RPL14: variants seen among roughly 807,000 people sequenced by gnomAD.
The protein encoded by RPL14 is ribosomal protein L14.
Under a neutral mutation model 25.3 loss-of-function variants are expected in RPL14, and 4 were observed. The observed-to-expected ratio is 0.16, with a 90% CI of 0.08 to 0.36. The LOEUF is 0.36. RPL14 is among the 10% of genes least tolerant of loss of function. The pLI is 1.00. For synonymous variants in RPL14, 75 were observed against 89.8 expected (o/e 0.84, Z 0.93); for missense variants, 212 against 261.9 (o/e 0.81, Z 1.31).
intron 1 of RPL14, 184 bp downstream of exon 1, chr3:40,457,658 C>G: frequency 1.5e-6 from 1 of 665,576 alleles, no homozygotes; most frequent in South Asian, 1.9e-5. Context: ...GAGCCTTGTC[C>G]TGCCGTGTGG....
Position 40,464,260 on chromosome 3 carries a change from A to G in RPL14, c.*2028A>G, listed in dbSNP as rs1271428317. Reference sequence around the variant, plus strand: ...CAGGCGTGAGCCACCGCTTCTGGCCAGGAATACATTTTAAATAAATTTGTT... The same window carrying G: ...CAGGCGTGAGCCACCGCTTCTGGCCGGGAATACATTTTAAATAAATTTGTT... On this transcript the variant is annotated 3_prime_UTR_variant, in exon 6 of 6. Coordinates refer to ENST00000396203, the MANE Select transcript of RPL14 (RefSeq NM_001034996.3). The G allele has an allele frequency of 5.6e-6, 2 of 357,436 alleles. No individual in the cohort carries two copies. Among genetic ancestry groups the G allele is most frequent in the African/African-American group, 2.1e-5 (1 of 46,810 alleles). 22.1% of individuals were successfully genotyped at this position (357,436 alleles called of 1,614,324 possible). A position where few individuals can be genotyped will look rare whatever the true frequency, so the allele number is the denominator to read the frequency against.
intron 2 of RPL14, chr3:40,458,239 G>A (rs1696875351): frequency 1.8e-6 from 1 of 566,116 alleles, no homozygotes; most frequent in Non-Finnish European, 3.1e-6. Flanking sequence ...TTTTAAATGA[G>A]TTACTATACG....
intron 3 of RPL14, 115 bp downstream of exon 3, chr3:40,458,851 C>A: frequency 1.3e-6 from 1 of 777,924 alleles, no homozygotes; most frequent in Non-Finnish European, 2.2e-6. Context: ...GAGGGATTTG[C>A]ATCATAGAAG....
At chr3:40,457,798 G>A (rs368959287) in intron 1 of RPL14, 92 bp from the exon 2 acceptor site, 67 of 1,271,096 alleles carry the variant, frequency 5.3e-5, no homozygotes, top group Admixed American at 4.1e-4. Context: ...CTTTTTCGCT[G>A]AATTTAACCA....
chr3:40,462,446 G>C lies in RPL14; in HGVS notation c.*214G>C. The C allele has an allele frequency of 2.2e-6, 1 of 454,048 alleles. No homozygotes were observed. The highest frequency in any genetic ancestry group is 3.5e-5 in the South Asian group (1 of 28,646). The allele number at this position is 454,048 out of a possible 1,614,324, so 28.1% of individuals were successfully genotyped here. A position where few individuals can be genotyped will look rare whatever the true frequency, so the allele number is the denominator to read the frequency against. ...GGCCGGACTGCAGTGGCGCTATCTC[G>C]GCTCACTGTAAGTTCCACCTCCCGG... On this transcript the variant is annotated 3_prime_UTR_variant, in exon 6 of 6. Coordinates refer to ENST00000396203, the MANE Select transcript of RPL14 (RefSeq NM_001034996.3).
intron 2 of RPL14, 140 bp downstream of exon 2, chr3:40,458,131 G>A: frequency 1.4e-6 from 1 of 708,320 alleles, no homozygotes. Flanking sequence ...ACAGGTAATG[G>A]TACGGGTTTT....
rs745818038 is a variant in RPL14, at chr3:40,462,002, C to T, written c.418C>T (p.Pro140Ser). The stretch of plus-strand genomic sequence containing the variant: ...AAAGGCAGCTCTCCTGAAAGCTTCT[C>T]CCAAAAAAGCACCTGGTACTAAGGG... ...LQKAALLKAS[P>S]KKAPGTKGTA... is the part of the protein sequence containing the mutation. The change falls in exon 6 of 6, where the codon CCC becomes TCC. Residue 140 changes from proline (P) to serine (S), a missense_variant. By Grantham distance (74) the Pro-to-Ser change is moderately conservative (BLOSUM62 -1). This residue lies in a region of RPL14 where 143 missense variants were observed against 180.3 expected (regional missense o/e 0.79). Transcript: ENST00000396203. The T allele has an allele frequency of 1.9e-6, 3 of 1,557,000 alleles. No homozygotes were observed. Among genetic ancestry groups the T allele is most frequent in the South Asian group, 1.1e-5 (1 of 87,334 alleles).
At position 40,467,378 on chromosome 3, in the gene RPL14, G is replaced by T. The variant is rs1203356510; in HGVS notation, c.*5146G>T. ...GTCCAGAGGCCTGAGAACTGGAAGG[G>T]CCAGTGGTGTAAGTCCTGGTCTGAG... On this transcript the variant is annotated 3_prime_UTR_variant, in exon 6 of 6. Transcript: ENST00000396203. The T allele has an allele frequency of 6.6e-6, 1 of 152,246 alleles. No individual in the cohort carries two copies. The highest frequency in any genetic ancestry group is 1.5e-5 in the Non-Finnish European group (1 of 68,052). The allele number at this position is 152,246 out of a possible 1,614,324, so 9.4% of individuals were successfully genotyped here. A position where few individuals can be genotyped will look rare whatever the true frequency, so the allele number is the denominator to read the frequency against.
chr3:40,458,203 C>T (rs1696875027), intron 2 of RPL14: 3 of 585,328 alleles, frequency 5.1e-6, no homozygotes, highest in Non-Finnish European at 6.1e-6. Context: ...AAGCTAGAGC[C>T]AGTTATAGGC....
Position 40,458,663 on chromosome 3 carries a change from A to T in RPL14, c.127A>T (p.Thr43Ser), listed in dbSNP as rs139084909. 721 of 1,614,090 alleles carry T rather than the reference A, an allele frequency of 4.5e-4. No homozygotes were observed. Among genetic ancestry groups the T allele is most frequent in the Non-Finnish European group, 5.9e-4 (694 of 1,179,982 alleles). Residue 43 changes from threonine (T) to serine (S), a missense_variant, in exon 3 of 6, where the codon ACT becomes TCT. This residue lies in a region of RPL14 where 143 missense variants were observed against 180.3 expected (regional missense o/e 0.79). Coordinates refer to ENST00000396203, the MANE Select transcript of RPL14 (RefSeq NM_001034996.3). ...CTAGGCTTTGGTCGATGGACCTTGC[A>T]CTCAAGTGAGGAGACAGGCCATGCC... ...QNRALVDGPC[T>S]QVRRQAMPFK...
intron 3 of RPL14, among the ~76,000 whole-genome samples, chr3:40,459,858 C>CAGAAAAAAAAAAA (rs1696906645): frequency 1.1e-5 from 1 of 90,976 alleles, no homozygotes; most frequent in African/African-American, 4.7e-5. Context: ...GACTCCGTTT[C>CAGAAAAAAAAAAA]AAAAAAAAAA....
chr3:40,466,648 CAT>C lies in RPL14; in HGVS notation c.*4419_*4420del, dbSNP rs1474186506. ...AAAGCAAGGATCCTGATACCTGCCTCATATTGTGGCAAGGATCAAATGAGTCA... is the reference window on the plus strand; with the variant it reads ...AAAGCAAGGATCCTGATACCTGCCTCATTGTGGCAAGGATCAAATGAGTCA... On this transcript the variant is annotated 3_prime_UTR_variant, in exon 6 of 6. Transcript: ENST00000396203. The C allele has an allele frequency of 2.0e-5, 3 of 152,198 alleles. No individual in the cohort carries two copies. The highest frequency in any genetic ancestry group is 1.9e-4 in the East Asian group (1 of 5,192). 9.4% of individuals were successfully genotyped at this position (152,198 alleles called of 1,614,324 possible).
At chr3:40,459,685 C>G (rs1448584394) in intron 3 of RPL14, among the ~76,000 whole-genome samples, 1 of 151,820 alleles carries the variant, frequency 6.6e-6, no homozygotes, top group Non-Finnish European at 1.5e-5. Context: ...GAAACCCCGT[C>G]TCTACTAAAA....
Position 40,467,652 on chromosome 3 carries a change from T to C in RPL14, c.*5420T>C, listed in dbSNP as rs1697046351. 6.6e-6 allele frequency: 1 copy of C among 152,236 alleles called. No homozygotes were observed. Among genetic ancestry groups the C allele is most frequent in the African/African-American group, 2.4e-5 (1 of 41,454 alleles). 9.4% of individuals were successfully genotyped at this position (152,236 alleles called of 1,614,324 possible). ...TTTCGCCAGCTAGCTGAACAATCCT[T>C]AGCCCAGTCAAGTGCACACATAACC... On this transcript the variant is annotated 3_prime_UTR_variant, in exon 6 of 6. Coordinates refer to ENST00000396203, the MANE Select transcript of RPL14 (RefSeq NM_001034996.3).
In RPL14 at chr3:40,457,372, TA is replaced by T. The variant is rs749402645; in HGVS notation, c.-99del. On this transcript the variant is annotated 5_prime_UTR_variant, in exon 1 of 6. It removes the in-frame stop codon of an upstream open reading frame in the 5' UTR. Transcript: ENST00000396203. ...CTAACGCCGCCAACATGGTGAGTCTTACTGTTGCGGGCTCCGGGGCCGTCGA... is the reference window on the plus strand; with the variant it reads ...CTAACGCCGCCAACATGGTGAGTCTTCTGTTGCGGGCTCCGGGGCCGTCGA... The T allele has an allele frequency of 4.4e-6, 7 of 1,607,374 alleles. No homozygotes were observed. The highest frequency in any genetic ancestry group is 5.9e-6 in the Non-Finnish European group (7 of 1,176,868).
rs1321719536 is a variant in RPL14 at position 40,465,149 on chromosome 3, G to T, written c.*2917G>T. The T allele has an allele frequency of 6.6e-6, 1 of 152,128 alleles. No homozygotes were observed. Among genetic ancestry groups the T allele is most frequent in the Non-Finnish European group, 1.5e-5 (1 of 68,052 alleles). 9.4% of individuals were successfully genotyped at this position (152,128 alleles called of 1,614,324 possible). On this transcript the variant is annotated 3_prime_UTR_variant, in exon 6 of 6. Coordinates refer to ENST00000396203, the MANE Select transcript of RPL14 (RefSeq NM_001034996.3). ...GTAAGTGGTCACTGATTCCCCAGGG[G>T]TAGGATGACAACAATCAAGAGACGA... is the stretch of plus-strand genomic sequence containing the variant.
chr3:40,457,782 A>C (rs2276871), intron 1 of RPL14, 108 bp from the exon 2 acceptor site: 1 of 1,094,402 alleles, frequency 9.1e-7, no homozygotes, highest in East Asian at 2.4e-5. Flanking sequence ...TGTTCCCTGC[A>C]GCATTCTTTT....
chr3:40,459,486 A>G (rs908198929), intron 3 of RPL14, among the ~76,000 whole-genome samples: 1 of 152,204 alleles, frequency 6.6e-6, no homozygotes, highest in Non-Finnish European at 1.5e-5. Context: ...GTGTGTTGCT[A>G]TACAGTTAAT....
intron 5 of RPL14, 100 bp downstream of exon 5, chr3:40,461,761 T>C: frequency 7.4e-7 from 1 of 1,344,978 alleles, no homozygotes; most frequent in Non-Finnish European, 1.0e-6. Context: ...GGAAGCTTTC[T>C]GTAAAAAAGG....
Sources: gnomAD v4.1 joint callset for allele counts (sites outside exome capture counted in the v4.1 genomes callset) on GRCh38, gnomAD v4.1.1 for gene constraint, gnomAD v4.1.1 regional missense constraint, MANE v1.5 for transcripts, NCBI Gene and HGNC (gene_info 2026-07-23, HGNC 2026-07-21) for gene names.